Variants in CLUAP1 observed in about 807,000 individuals in gnomAD.
CLUAP1 encodes intraflagellar transport 38.
Under a neutral mutation model 55.0 loss-of-function variants are expected in CLUAP1, and 50 were observed. That is an observed-to-expected ratio of 0.91 (90% CI 0.72 to 1.15). CLUAP1 has a LOEUF of 1.15. Ranked by LOEUF, CLUAP1 falls within the 50% of genes most tolerant of loss-of-function variation. The pLI is 0.00. For missense variants in CLUAP1, 530 were observed against 507.6 expected, an observed-to-expected ratio of 1.04 and a Z score of -0.42; for synonymous variants, 195 against 175.4, an observed-to-expected ratio of 1.11 and a Z score of -0.88.
chr16:3,505,145 A>G (rs1282147399), intron 2 of CLUAP1, among the ~76,000 whole-genome samples: 1 of 152,218 alleles, frequency 6.6e-6, no homozygotes, highest in Non-Finnish European at 1.5e-5. Flanking sequence ...AGGCTGAGGC[A>G]GGAGGATCAC....
Position 3,537,271 on chromosome 16 carries a change from A to G in CLUAP1, c.*1000A>G, listed in dbSNP as rs1349660443. On this transcript the variant is annotated 3_prime_UTR_variant, in exon 12 of 12. Transcript: ENST00000576634. ...GTTTCTGATTTAAAAAAACAACAAC[A>G]CAGGATTGAATTAAGTAGAGTAATA... is the stretch of plus-strand genomic sequence containing the variant. 6.6e-6 allele frequency: 1 copy of G among 152,184 alleles called. No homozygotes were observed. The highest frequency in any genetic ancestry group is 1.5e-5 in the Non-Finnish European group (1 of 68,036). 9.4% of individuals were successfully genotyped at this position (152,184 alleles called of 1,614,324 possible).
chr16:3,516,343 C>A (rs1489280661), intron 6 of CLUAP1, among the ~76,000 whole-genome samples: 1 of 152,128 alleles, frequency 6.6e-6, no homozygotes, highest in Non-Finnish European at 1.5e-5. Flanking sequence ...TTCTAAAAAT[C>A]ATAGGTTTTT....
At chr16:3,496,313 A>C, upstream of CLUAP1, 4 of 1,034,390 alleles carry the variant, frequency 3.9e-6, no homozygotes, top group Non-Finnish European at 1.5e-6. Flanking sequence ...GTTACCGTCC[A>C]GACGAACTAA....
At chr16:3,529,744 T>TTC (rs2038062138) in intron 9 of CLUAP1, among the ~76,000 whole-genome samples, 1 of 42,766 alleles carries the variant, frequency 2.3e-5, no homozygotes, top group African/African-American at 1.0e-4. Flanking sequence ...TTATTATATA[T>TTC]TATATATTAT....
upstream of CLUAP1, chr16:3,496,134 C>A: frequency 2.6e-6 from 1 of 387,816 alleles, no homozygotes; most frequent in Non-Finnish European, 4.9e-6. Context: ...GAGCGAGACT[C>A]CGTCTCAAAA....
At position 3,519,933 on chromosome 16, in the gene CLUAP1, A is replaced by C; in HGVS notation, c.610A>C (p.Asn204His). ...TQVQKTKDLL[N>H]NVASDEANLE... is the part of the protein sequence containing the mutation. Reference sequence around the variant, plus strand: ...GGTTCAGAAGACTAAAGACCTGCTCAATAATGTGGCCTCTGATGAAGCTAA... The same window carrying C: ...GGTTCAGAAGACTAAAGACCTGCTCCATAATGTGGCCTCTGATGAAGCTAA... The change falls in exon 7 of 12, where the codon AAT (asparagine) becomes CAT (histidine). Residue 204 changes from asparagine to histidine, a missense_variant. Transcript: ENST00000576634. The C allele has an allele frequency of 6.2e-7, 1 of 1,612,336 alleles. No homozygotes were observed. Among genetic ancestry groups the C allele is most frequent in the Non-Finnish European group, 8.5e-7 (1 of 1,179,514 alleles).
intron 4 of CLUAP1, among the ~76,000 whole-genome samples, chr16:3,510,867 A>G (rs1215815726): frequency 6.6e-6 from 1 of 152,248 alleles, no homozygotes; most frequent in Non-Finnish European, 1.5e-5. Flanking sequence ...TTGGCTGTCC[A>G]GGTGGAGATG....
intron 2 of CLUAP1, among the ~76,000 whole-genome samples, chr16:3,505,419 A>G (rs2037484472): frequency 6.6e-6 from 1 of 152,084 alleles, no homozygotes; most frequent in South Asian, 2.1e-4. Context: ...GGTCCCAGCT[A>G]CTCAGGAGGC....
intron 1 of CLUAP1, among the ~76,000 whole-genome samples, chr16:3,504,469 T>C (rs1036152931): frequency 2.0e-5 from 3 of 152,254 alleles, no homozygotes; most frequent in Admixed American, 6.5e-5. Flanking sequence ...AATTCACAGC[T>C]AATCCCTCAA....
intron 11 of CLUAP1, chr16:3,535,748 A>G (rs544580984): frequency 5.2e-6 from 1 of 193,666 alleles, no homozygotes; most frequent in African/African-American, 2.3e-5. Context: ...CACAATCTAC[A>G]AAAAGCCAAA....
intron 9 of CLUAP1, 73 bp from the exon 10 acceptor site, chr16:3,530,495 C>A: frequency 9.6e-7 from 1 of 1,040,426 alleles, no homozygotes; most frequent in Non-Finnish European, 1.5e-6. Flanking sequence ...TGCACACAGA[C>A]CTTACTGGGC....
At chr16:3,529,684 T>TTATTATA (rs1374668643) in intron 9 of CLUAP1, among the ~76,000 whole-genome samples, 162 of 6,918 alleles carry the variant, frequency 0.023, 3 homozygotes, top group East Asian at 0.071. Flanking sequence ...ATATTATATA[T>TTATTATA]TATTATATAT....
At chr16:3,508,497 C>G in intron 4 of CLUAP1, 29 bp downstream of exon 4, 1 of 1,510,528 alleles carries the variant, frequency 6.6e-7, no homozygotes, top group Non-Finnish European at 8.8e-7. Context: ...TTGTAGTGGG[C>G]GATGGAGCGT....
chr16:3,508,253 G>A, intron 3 of CLUAP1, 36 bp from the exon 4 acceptor site: 1 of 1,548,396 alleles, frequency 6.5e-7, no homozygotes, highest in Non-Finnish European at 8.7e-7. Context: ...ACATGGAAAG[G>A]GCCTTCAACT....
At chr16:3,523,358 T>C in intron 8 of CLUAP1, 59 bp downstream of exon 8, 1 of 1,521,926 alleles carries the variant, frequency 6.6e-7, no homozygotes, top group South Asian at 1.3e-5. Context: ...TTGTACTGGG[T>C]GACAGGTCAT....
At chr16:3,496,295 C>T (rs879244435), upstream of CLUAP1, 3 of 878,516 alleles carry the variant, frequency 3.4e-6, no homozygotes, top group African/African-American at 5.1e-5. Flanking sequence ...GTTGGTCAAG[C>T]TGTACAGGTT....
rs75329202 is a variant in CLUAP1, at chr16:3,513,293, A to G, written c.495+815A>G. Among the ~76,000 whole-genome samples, 906 of 152,248 alleles carry G rather than the reference A, an allele frequency of 6.0e-3. 3 individuals are homozygous for G. Among genetic ancestry groups the G allele is most frequent in the African/African-American group, 0.02 (827 of 41,540 alleles). ...TTCTAACAGCAGTTTGGGACCAGCA[A>G]TCTTGGCATCACTTCCAGTCAGCTG... On this transcript the variant is annotated intron_variant, in intron 5 of 11. Coordinates refer to ENST00000576634, the MANE Select transcript of CLUAP1 (RefSeq NM_015041.3).
intron 4 of CLUAP1, 100 bp from the exon 5 acceptor site, chr16:3,512,283 G>T: frequency 1.2e-6 from 1 of 833,420 alleles, no homozygotes. Context: ...GTCACTTGAG[G>T]CCAGGAGTTA....
chr16:3,508,929 G>A (rs59081547), intron 4 of CLUAP1, among the ~76,000 whole-genome samples: 1 of 145,690 alleles, frequency 6.9e-6, no homozygotes. Flanking sequence ...TGAGTTGTGC[G>A]GGTGGCGGGT....
Sources: gnomAD v4.1 joint callset for allele counts (sites outside exome capture counted in the v4.1 genomes callset) on GRCh38, gnomAD v4.1.1 for gene constraint, MANE v1.5 for transcripts, NCBI Gene and HGNC (gene_info 2026-07-23, HGNC 2026-07-21) for gene names.